Variants in TFB1M observed in about 807,000 individuals in gnomAD.
The protein encoded by TFB1M is transcription factor B1, mitochondrial.
Under a neutral mutation model 31.1 loss-of-function variants are expected in TFB1M, and 27 were observed. That is an observed-to-expected ratio of 0.87 (90% confidence interval 0.64 to 1.20). The LOEUF (loss-of-function observed/expected upper bound fraction) is 1.20. Ranked by LOEUF, TFB1M falls within the 50% of genes most tolerant of loss-of-function variation. The pLI is 0.00. For synonymous variants in TFB1M, 166 were observed against 151.8 expected (o/e 1.09, Z -0.69); for missense variants, 394 against 418.7 (o/e 0.94, Z 0.51).
At chr6:155,240,494 C>A in the TFB1M span, 1 of 1,573,404 alleles carries the variant, frequency 6.4e-7, no homozygotes. Flanking sequence ...CAGGGAGAGG[C>A]CCGTGCATTA....
chr6:155,298,658 G>T, intron 2 of TFB1M, 73 bp from the exon 3 acceptor site: 2 of 1,032,770 alleles, frequency 1.9e-6, no homozygotes, highest in Non-Finnish European at 1.5e-6. Context: ...TTTTAAACCT[G>T]TGCATTTAAA....
intron 4 of TFB1M, among the ~76,000 whole-genome samples, chr6:155,294,439 G>A (rs1777073843): frequency 6.6e-6 from 1 of 152,144 alleles, no homozygotes; most frequent in South Asian, 2.1e-4. Flanking sequence ...AGTATGAAGA[G>A]TATTAAAGAG....
chr6:155,260,403 T>C lies in TFB1M; in HGVS notation c.667-3A>G. 1 of 1,614,206 alleles carries C rather than the reference T, an allele frequency of 6.2e-7. No homozygotes were observed. The highest frequency in any genetic ancestry group is 8.5e-7 in the Non-Finnish European group (1 of 1,180,030). ...AAGTGCACCACGCCCACGTCCACCTTCGTTGTAAGCAAACATATTATCATT... is the reference window on the plus strand; with the variant it reads ...AAGTGCACCACGCCCACGTCCACCTCCGTTGTAAGCAAACATATTATCATT... On this transcript the variant is annotated splice_polypyrimidine_tract_variant and splice_region_variant and intron_variant, in intron 5 of 6. Transcript: ENST00000367166.
At chr6:155,307,851 G>A (rs561666103) in intron 2 of TFB1M, among the ~76,000 whole-genome samples, 4 of 151,480 alleles carry the variant, frequency 2.6e-5, no homozygotes, top group African/African-American at 4.9e-5. Flanking sequence ...AAGAATTTGT[G>A]TTGGGCCGCA....
chr6:155,254,368 C>A, downstream of TFB1M: 1 of 1,588,394 alleles, frequency 6.3e-7, no homozygotes, highest in Non-Finnish European at 8.6e-7. Flanking sequence ...GGAATGGAAG[C>A]ACGATGAACA....
intron 5 of TFB1M, among the ~76,000 whole-genome samples, chr6:155,274,673 G>C (rs1444696939): frequency 6.6e-6 from 1 of 152,202 alleles, no homozygotes. Flanking sequence ...ACCTCAGTCA[G>C]GATTTTGCAA....
intron 5 of TFB1M, among the ~76,000 whole-genome samples, chr6:155,280,516 T>G (rs1785446335): frequency 6.6e-6 from 1 of 152,196 alleles, no homozygotes; most frequent in South Asian, 2.1e-4. Flanking sequence ...GCTCTTCCCC[T>G]GCCCTTTCCT....
chr6:155,257,675 ATATT>A lies in TFB1M; in HGVS notation c.*157_*160del. The A allele has an allele frequency of 2.7e-6, 2 of 741,226 alleles. No individual in the cohort carries two copies. The highest frequency in any genetic ancestry group is 3.6e-5 in the South Asian group (2 of 56,212). 45.9% of individuals were successfully genotyped at this position (741,226 alleles called of 1,614,324 possible). A position where few individuals can be genotyped will look rare whatever the true frequency, so the allele number is the denominator to read the frequency against. On this transcript the variant is annotated 3_prime_UTR_variant, in exon 7 of 7. Transcript: ENST00000367166. The stretch of plus-strand genomic sequence containing the variant: ...AGCTTGTACTGTATCTTATTTGATG[ATATT>A]TATTTTCTCTGCCAAGCTGTATAGT...
intron 4 of TFB1M, among the ~76,000 whole-genome samples, chr6:155,294,518 T>A (rs1382671037): frequency 6.6e-6 from 1 of 152,096 alleles, no homozygotes; most frequent in African/African-American, 2.4e-5. Flanking sequence ...GCAAAAAGCA[T>A]GCACTAAAAA....
the TFB1M span, chr6:155,247,913 AGAT>A: frequency 2.7e-6 from 4 of 1,457,614 alleles, no homozygotes; most frequent in African/African-American, 5.6e-5. Context: ...CTATAGAAAT[AGAT>A]GATCTATAAA....
chr6:155,254,754 A>T, downstream of TFB1M: 1 of 660,098 alleles, frequency 1.5e-6, no homozygotes, highest in Non-Finnish European at 2.5e-6. Flanking sequence ...AAATACAGCC[A>T]CCCCCAACCC....
At chr6:155,310,834 A>G (rs1777984945) in intron 2 of TFB1M, 1 of 244,320 alleles carries the variant, frequency 4.1e-6, no homozygotes, top group Non-Finnish European at 8.0e-6. Flanking sequence ...CCAATGAGTC[A>G]TTACTGGCCA....
the TFB1M span, among the ~76,000 whole-genome samples, chr6:155,235,094 A>T: frequency 6.6e-6 from 1 of 152,048 alleles, no homozygotes; most frequent in Non-Finnish European, 1.5e-5. Flanking sequence ...GCCCTGTGCC[A>T]TTTAAGGTCT....
rs775809309 is a variant in TFB1M at position 155,258,059 on chromosome 6, C to T, written c.818G>A (p.Arg273His). The T allele has an allele frequency of 1.4e-5, 22 of 1,614,154 alleles. No homozygotes were observed. Among genetic ancestry groups the T allele is most frequent in the Middle Eastern group, 1.6e-4 (1 of 6,062 alleles). The change falls in exon 7 of 7, where the codon CGC becomes CAC. Residue 273 changes from arginine to histidine, a missense_variant. Transcript: ENST00000367166. ...GLRMLFPEAQ[R>H]LESTGRLLEL... The stretch of plus-strand genomic sequence containing the variant: ...TAACAGCCTGCCCGTGCTTTCCAAG[C>T]GCTGCGCTTCAGGGAATAACATTCT...
At position 155,258,052 on chromosome 6, in the gene TFB1M, T is replaced by C; in HGVS notation, c.825A>G (p.Glu275=). ...RMLFPEAQRL[E]STGRLLELAD... is the part of the protein sequence containing the mutation. ...CCAACTCTAACAGCCTGCCCGTGCT[T>C]TCCAAGCGCTGCGCTTCAGGGAATA... Residue 275 remains glutamate (E), a synonymous_variant, in exon 7 of 7, where the codon GAA becomes GAG. Coordinates refer to ENST00000367166, the MANE Select transcript of TFB1M (RefSeq NM_016020.4). The C allele has an allele frequency of 6.2e-7, 1 of 1,614,182 alleles. No individual in the cohort carries two copies. Among genetic ancestry groups the C allele is most frequent in the African/African-American group, 1.3e-5 (1 of 75,040 alleles).
At chr6:155,258,145 CTT>C (rs2114655718) in intron 6 of TFB1M, 63 bp from the exon 7 acceptor site, 21 of 1,580,972 alleles carry the variant, frequency 1.3e-5, no homozygotes, top group Non-Finnish European at 1.8e-5. Flanking sequence ...AATCATGACA[CTT>C]TTTAACCCTC....
At chr6:155,310,552 TTTCTCC>T (rs1193695545) in intron 2 of TFB1M, among the ~76,000 whole-genome samples, 1 of 152,198 alleles carries the variant, frequency 6.6e-6, no homozygotes, top group Non-Finnish European at 1.5e-5. Flanking sequence ...CAGGGCCTCT[TTTCTCC>T]AGTTGAAACA....
At chr6:155,240,738 C>T in the TFB1M span, 12 of 1,589,450 alleles carry the variant, frequency 7.5e-6, no homozygotes, top group Admixed American at 1.7e-5. Context: ...TTTATGCATT[C>T]GTGCCTCTTT....
At chr6:155,249,764 T>C in the TFB1M span, 6 of 1,156,638 alleles carry the variant, frequency 5.2e-6, no homozygotes, top group Non-Finnish European at 7.4e-6. Context: ...AATCCTGAGT[T>C]GAATCTTGAC....
Sources: gnomAD v4.1 joint callset for allele counts (sites outside exome capture counted in the v4.1 genomes callset) on GRCh38, gnomAD v4.1.1 for gene constraint, MANE v1.5 for transcripts, NCBI Gene and HGNC (gene_info 2026-07-23, HGNC 2026-07-21) for gene names.